Variants in EPHA6 observed in about 807,000 individuals in gnomAD.
EPHA6 encodes the protein ephrin type-A receptor 6.
Under a neutral mutation model 112.0 loss-of-function variants are expected in EPHA6, and 50 were observed. The ratio of observed to expected loss-of-function variants is 0.45; its 90% CI spans 0.36 to 0.56. EPHA6 has a LOEUF of 0.56. Among genes scored for constraint, EPHA6 ranks in the 20% least tolerant of loss-of-function variants. The pLI is 0.00. For missense variants in EPHA6, 1,280 were observed against 1,417.4 expected, an observed-to-expected ratio of 0.90 and a Z score of 1.56; for synonymous variants, 529 against 490.7, an observed-to-expected ratio of 1.08 and a Z score of -1.03.
chr3:97,710,341 T>C (rs939694226), intron 14 of EPHA6, among the ~76,000 whole-genome samples: 7 of 152,236 alleles, frequency 4.6e-5, no homozygotes, highest in African/African-American at 1.7e-4. Flanking sequence ...ACAATGGTAA[T>C]TTAAGGTCAC....
intron 3 of EPHA6, among the ~76,000 whole-genome samples, chr3:97,084,934 T>G (rs2046847217): frequency 6.6e-6 from 1 of 152,170 alleles, no homozygotes; most frequent in Non-Finnish European, 1.5e-5. Flanking sequence ...AAGAATAATA[T>G]TTTGAAAAGG....
chr3:97,548,066 C>T (rs1392303402), intron 11 of EPHA6, among the ~76,000 whole-genome samples: 1 of 152,156 alleles, frequency 6.6e-6, no homozygotes, highest in Admixed American at 6.5e-5. Flanking sequence ...TGCGCTGTAC[C>T]CACTGTCCTG....
At chr3:97,233,184 G>A (rs1171714718) in intron 4 of EPHA6, among the ~76,000 whole-genome samples, 2 of 152,024 alleles carry the variant, frequency 1.3e-5, no homozygotes, top group Non-Finnish European at 2.9e-5. Flanking sequence ...GACATTCTTG[G>A]GGTGGAGGGC....
At chr3:97,026,506 C>G (rs1474976622) in intron 3 of EPHA6, among the ~76,000 whole-genome samples, 1 of 152,010 alleles carries the variant, frequency 6.6e-6, no homozygotes, top group Non-Finnish European at 1.5e-5. Context: ...GTATTTTCGT[C>G]TTTTTTTGTG....
At chr3:97,520,957 ATTC>A (rs1196580188) in intron 10 of EPHA6, among the ~76,000 whole-genome samples, 2 of 152,098 alleles carry the variant, frequency 1.3e-5, no homozygotes, top group Middle Eastern at 3.4e-3. Flanking sequence ...AAGTTCTAAA[ATTC>A]TTCTTCTTGA....
intron 6 of EPHA6, among the ~76,000 whole-genome samples, chr3:97,409,124 G>T (rs987335215): frequency 9.9e-5 from 15 of 152,082 alleles, no homozygotes; most frequent in African/African-American, 2.9e-4. Context: ...AGGCAGAAAA[G>T]AAACAAAGAA....
At chr3:97,061,135 A>C (rs2046009261) in intron 3 of EPHA6, among the ~76,000 whole-genome samples, 1 of 152,132 alleles carries the variant, frequency 6.6e-6, no homozygotes, top group South Asian at 2.1e-4. Context: ...TTCTTATAGG[A>C]CCCAAACACC....
At chr3:97,359,742 C>A (rs2108928436) in intron 5 of EPHA6, among the ~76,000 whole-genome samples, 1 of 152,008 alleles carries the variant, frequency 6.6e-6, no homozygotes, top group South Asian at 2.1e-4. Flanking sequence ...GGGTTTCCTG[C>A]TTTTGTTACT....
intron 10 of EPHA6, among the ~76,000 whole-genome samples, chr3:97,495,234 A>T (rs780938612): frequency 1.4e-4 from 21 of 151,562 alleles, no homozygotes; most frequent in Non-Finnish European, 2.5e-4. Flanking sequence ...TTATATTTTT[A>T]TAGGTCTACA....
intron 1 of EPHA6, among the ~76,000 whole-genome samples, chr3:96,849,672 G>A (rs1044614588): frequency 6.6e-5 from 10 of 152,044 alleles, no homozygotes; most frequent in South Asian, 2.1e-4. Flanking sequence ...GAGGCCTTAG[G>A]CATAGTGGTT....
At chr3:96,996,801 A>C (rs987163419) in intron 3 of EPHA6, among the ~76,000 whole-genome samples, 1 of 152,072 alleles carries the variant, frequency 6.6e-6, no homozygotes, top group African/African-American at 2.4e-5. Flanking sequence ...TCAGAATGTA[A>C]ATGGGCATTG....
intron 2 of EPHA6, among the ~76,000 whole-genome samples, chr3:96,978,441 T>A (rs1044097208): frequency 6.6e-6 from 1 of 152,174 alleles, no homozygotes; most frequent in Non-Finnish European, 1.5e-5. Context: ...TGTGATATAA[T>A]TTTTATACCT....
intron 3 of EPHA6, among the ~76,000 whole-genome samples, chr3:97,123,079 A>G (rs535394591): frequency 1.3e-5 from 2 of 152,096 alleles, no homozygotes; most frequent in African/African-American, 4.8e-5. Context: ...GAATACTAAT[A>G]TATGTGATTT....
chr3:97,379,178 C>G (rs552804363), intron 5 of EPHA6, among the ~76,000 whole-genome samples: 1 of 152,054 alleles, frequency 6.6e-6, no homozygotes, highest in East Asian at 1.9e-4. Context: ...TGATGGTTTT[C>G]GCATCTTCCT....
chr3:97,073,166 A>G (rs761435915), intron 3 of EPHA6, among the ~76,000 whole-genome samples: 4 of 152,170 alleles, frequency 2.6e-5, no homozygotes, highest in Admixed American at 6.6e-5. Context: ...ATAAGAAATT[A>G]CAGATGTATG....
chr3:96,993,039 G>T (rs1576275516), intron 3 of EPHA6, among the ~76,000 whole-genome samples: 1 of 152,150 alleles, frequency 6.6e-6, no homozygotes, highest in East Asian at 1.9e-4. Context: ...CAGCCTGTTG[G>T]TGCTCCTGTG....
chr3:97,599,740 G>C (rs952187832), intron 12 of EPHA6, among the ~76,000 whole-genome samples: 3 of 152,110 alleles, frequency 2.0e-5, no homozygotes, highest in African/African-American at 7.2e-5. Flanking sequence ...GGATTGACTT[G>C]GTGATGCGGG....
intron 3 of EPHA6, among the ~76,000 whole-genome samples, chr3:97,223,452 T>C (rs1051321954): frequency 6.6e-6 from 1 of 152,156 alleles, no homozygotes; most frequent in Non-Finnish European, 1.5e-5. Context: ...AAAAAAGCCC[T>C]GTTGTGGGAA....
chr3:97,037,148 A>T (rs924882663), intron 3 of EPHA6, among the ~76,000 whole-genome samples: 3 of 152,134 alleles, frequency 2.0e-5, no homozygotes, highest in Admixed American at 6.6e-5. Flanking sequence ...ACTATGATTC[A>T]TATCTATGCT....
Sources: gnomAD v4.1 joint callset for allele counts (sites outside exome capture counted in the v4.1 genomes callset) on GRCh38, gnomAD v4.1.1 for gene constraint, MANE v1.5 for transcripts, NCBI Gene and HGNC (gene_info 2026-07-23, HGNC 2026-07-21) for gene names.